The following DCC variants were observed in gnomAD, a reference collection of about 807,000 sequenced individuals.
DCC encodes netrin receptor DCC.
In DCC, 58 loss-of-function variants were observed where a neutral mutation model predicts 172.5. The observed-to-expected ratio is 0.34, with a 90% confidence interval of 0.27 to 0.42. The LOEUF (loss-of-function observed/expected upper bound fraction) is 0.42, where lower values mean the gene tolerates loss of function less well. Ranked by LOEUF, DCC falls within the 10% of genes least tolerant of loss-of-function variation. The pLI is 1.00. For missense variants in DCC, 1,740 were observed against 1,791.0 expected, an observed-to-expected ratio of 0.97 and a Z score of 0.51; for synonymous variants, 709 against 644.5, an observed-to-expected ratio of 1.10 and a Z score of -1.52.
chr18:52,719,931 C>A (rs1337007567), intron 1 of DCC, among the ~76,000 whole-genome samples: 1 of 152,126 alleles, frequency 6.6e-6, no homozygotes, highest in East Asian at 1.9e-4. Context: ...TGGCAGTTCA[C>A]AGTCAGGATT....
chr18:53,213,582 A>G (rs946188979), intron 11 of DCC, among the ~76,000 whole-genome samples: 1 of 138,720 alleles, frequency 7.2e-6, no homozygotes, highest in African/African-American at 2.7e-5. Flanking sequence ...CGGGAGACGA[A>G]GGTTGCAGTG....
intron 1 of DCC, among the ~76,000 whole-genome samples, chr18:52,645,690 T>C (rs568824038): frequency 6.6e-6 from 1 of 152,298 alleles, no homozygotes; most frequent in African/African-American, 2.4e-5. Flanking sequence ...AAAAAAATTA[T>C]TGACTTCTAT....
At chr18:52,725,085 A>G (rs150762506) in intron 1 of DCC, among the ~76,000 whole-genome samples, 104 of 152,328 alleles carry the variant, frequency 6.8e-4, no homozygotes, top group African/African-American at 2.5e-3. Context: ...ACTAGGCCAC[A>G]AAAATCAGAG....
intron 7 of DCC, among the ~76,000 whole-genome samples, chr18:53,102,738 T>G (rs1367583465): frequency 6.6e-6 from 1 of 152,124 alleles, no homozygotes; most frequent in South Asian, 2.1e-4. Context: ...CACTTTAACC[T>G]ATTTCCTGTT....
intron 27 of DCC, among the ~76,000 whole-genome samples, chr18:53,510,127 T>C (rs1443053748): frequency 2.0e-5 from 3 of 152,154 alleles, no homozygotes; most frequent in Non-Finnish European, 4.4e-5. Flanking sequence ...ATGGGATGTG[T>C]TGTCCTTCGA....
At chr18:53,034,782 T>C (rs2042070439) in intron 5 of DCC, among the ~76,000 whole-genome samples, 1 of 152,040 alleles carries the variant, frequency 6.6e-6, no homozygotes, top group Non-Finnish European at 1.5e-5. Context: ...AGATCTGGCA[T>C]TGGTGTGCTC....
At chr18:52,983,011 A>C (rs1162386531) in intron 5 of DCC, among the ~76,000 whole-genome samples, 1 of 152,180 alleles carries the variant, frequency 6.6e-6, no homozygotes, top group Non-Finnish European at 1.5e-5. Context: ...GCTGGTTTAC[A>C]TCTGTTTTCC....
intron 5 of DCC, among the ~76,000 whole-genome samples, chr18:53,049,449 C>T (rs1487500034): frequency 2.6e-5 from 4 of 151,978 alleles, no homozygotes; most frequent in Non-Finnish European, 5.9e-5. Flanking sequence ...GGAGTCTTTT[C>T]CCCTTTGCTT....
chr18:53,012,960 T>TA (rs2041752329), intron 5 of DCC, among the ~76,000 whole-genome samples: 2 of 152,036 alleles, frequency 1.3e-5, no homozygotes, highest in Admixed American at 6.6e-5. Context: ...AGCCAACAAA[T>TA]ATGTGAAAAA....
intron 1 of DCC, among the ~76,000 whole-genome samples, chr18:52,629,833 C>G (rs1199286658): frequency 1.3e-5 from 2 of 151,606 alleles, no homozygotes; most frequent in Non-Finnish European, 2.9e-5. Flanking sequence ...ACCTGTAGTC[C>G]CAGCTGCTCG....
At chr18:53,448,047 G>GTTTTTTTTTTTT (rs35238619) in intron 22 of DCC, among the ~76,000 whole-genome samples, 91 of 113,702 alleles carry the variant, frequency 8.0e-4, no homozygotes, top group African/African-American at 2.9e-3. Flanking sequence ...ATTTTGATGA[G>GTTTTTTTTTTTT]TTTTTTTTTT....
At chr18:53,468,363 T>TTTATTTATTTATTTTTA (rs1555675962) in intron 25 of DCC, among the ~76,000 whole-genome samples, 73 of 54,704 alleles carry the variant, frequency 1.3e-3, no homozygotes, top group African/African-American at 3.0e-3. Flanking sequence ...TATTTATTTA[T>TTTATTTATTTATTTTTA]TTTATTTATT....
chr18:52,971,362 A>G (rs2041027126), intron 5 of DCC, among the ~76,000 whole-genome samples: 1 of 152,158 alleles, frequency 6.6e-6, no homozygotes, highest in African/African-American at 2.4e-5. Context: ...CTGTTTAGCA[A>G]TGGATGTATA....
At chr18:52,996,976 G>T (rs2041492186) in intron 5 of DCC, among the ~76,000 whole-genome samples, 1 of 151,840 alleles carries the variant, frequency 6.6e-6, no homozygotes, top group Non-Finnish European at 1.5e-5. Context: ...TTTATCTCTT[G>T]ATACAAGTCT....
rs1255059044 is a variant in DCC at position 53,339,544 on chromosome 18, A to C, written c.2165-169A>C. Among the ~76,000 whole-genome samples the C allele has an allele frequency of 2.6e-5, 4 of 152,218 alleles. No homozygotes were observed. In the South Asian group the frequency reaches 8.3e-4, roughly 32 times the overall value. ...TGCTTAAGAAATTTTGTGAAAGTCA[A>C]ATCAAACATAGAAAATATATCATAT... On this transcript the variant is annotated intron_variant, in intron 14 of 28. Transcript: ENST00000442544.
chr18:53,173,395 C>A (rs553851049), intron 8 of DCC, among the ~76,000 whole-genome samples: 3 of 152,218 alleles, frequency 2.0e-5, no homozygotes, highest in African/African-American at 7.2e-5. Flanking sequence ...TTTCATTTTA[C>A]AATTTTAACT....
intron 2 of DCC, among the ~76,000 whole-genome samples, chr18:52,756,592 CTGTT>C (rs1462294409): frequency 2.0e-5 from 3 of 152,196 alleles, no homozygotes; most frequent in African/African-American, 4.8e-5. Flanking sequence ...AGAAAATTGA[CTGTT>C]TGGGAATATT....
chr18:52,389,752 G>A (rs1429542286), intron 1 of DCC, among the ~76,000 whole-genome samples: 3 of 152,016 alleles, frequency 2.0e-5, no homozygotes, highest in African/African-American at 7.2e-5. Flanking sequence ...CTGAATCTTT[G>A]AAGCTGTGTG....
At chr18:52,591,172 C>A (rs1395322826) in intron 1 of DCC, among the ~76,000 whole-genome samples, 2 of 151,986 alleles carry the variant, frequency 1.3e-5, no homozygotes, top group Non-Finnish European at 2.9e-5. Flanking sequence ...GAGGGCTAAT[C>A]CAATATAGGA....
Sources: gnomAD v4.1 joint callset for allele counts (sites outside exome capture counted in the v4.1 genomes callset) on GRCh38, gnomAD v4.1.1 for gene constraint, MANE v1.5 for transcripts, NCBI Gene and HGNC (gene_info 2026-07-23, HGNC 2026-07-21) for gene names.